Variants in MGAT4C observed in about 807,000 individuals in gnomAD.
MGAT4C encodes the protein alpha-1,3-mannosyl-glycoprotein 4-beta-N-acetylglucosaminyltransferase C.
Under a neutral mutation model 40.1 loss-of-function variants are expected in MGAT4C, and 19 were observed. The observed-to-expected ratio is 0.47, with a 90% CI of 0.33 to 0.70. MGAT4C has a LOEUF of 0.70. MGAT4C is among the 30% of genes least tolerant of loss of function. MGAT4C has a pLI of 0.02. For synonymous variants in MGAT4C, 181 were observed against 187.1 expected (o/e 0.97, Z 0.27); for missense variants, 491 against 563.2 (o/e 0.87, Z 1.30).
chr12:86,165,516 G>T (rs772386638), intron 1 of MGAT4C, among the ~76,000 whole-genome samples: 1 of 152,072 alleles, frequency 6.6e-6, no homozygotes, highest in Non-Finnish European at 1.5e-5. Flanking sequence ...TGTTCACAAA[G>T]GAAACTGTTT....
At chr12:86,152,604 A>T (rs1884430074) in intron 1 of MGAT4C, among the ~76,000 whole-genome samples, 1 of 152,176 alleles carries the variant, frequency 6.6e-6, no homozygotes. Flanking sequence ...CCTCACATGG[A>T]TTTCTCTTTT....
chr12:86,304,533 A>G (rs1245826900), intron 4 of MGAT4C, among the ~76,000 whole-genome samples: 1 of 150,744 alleles, frequency 6.6e-6, no homozygotes, highest in Non-Finnish European at 1.5e-5. Flanking sequence ...CAAGCTTTTA[A>G]TCATGCCATT....
chr12:86,169,019 G>A (rs1886500504), intron 1 of MGAT4C, among the ~76,000 whole-genome samples: 1 of 152,062 alleles, frequency 6.6e-6, no homozygotes, highest in Non-Finnish European at 1.5e-5. Context: ...GTAAAAAAAT[G>A]TGGGGGAAAA....
In MGAT4C at chr12:86,307,721, G is replaced by C. The variant is rs1053642450; in HGVS notation, c.-57+26344C>G. Among the ~76,000 whole-genome samples the C allele has an allele frequency of 1.7e-4, 26 of 149,314 alleles. 1 individual carries two copies. The highest frequency in any genetic ancestry group is 2.8e-4 in the Non-Finnish European group (19 of 67,874). On this transcript the variant is annotated intron_variant, in intron 4 of 7. Transcript: ENST00000548651. ...TTTATTTTATTTATTTATTTTTTTT[G>C]AGACGTTGTCTAGCTCTGTCGCCCA...
At chr12:86,712,281 T>C (rs1950570153) in intron 2 of MGAT4C, among the ~76,000 whole-genome samples, 1 of 152,010 alleles carries the variant, frequency 6.6e-6, no homozygotes, top group Admixed American at 6.6e-5. Flanking sequence ...AAATACAACA[T>C]TCCAACTCAA....
intron 2 of MGAT4C, among the ~76,000 whole-genome samples, chr12:86,678,654 C>A (rs566744912): frequency 6.8e-6 from 1 of 147,384 alleles, no homozygotes. Flanking sequence ...TGTTCAATTC[C>A]CACCTATGAG....
chr12:86,818,488 G>A lies in MGAT4C; in HGVS notation c.-262+20178C>T, dbSNP rs1294432463. Among the ~76,000 whole-genome samples, 3 of 150,952 alleles carry A rather than the reference G, an allele frequency of 2.0e-5. No homozygotes were observed. In the Admixed American group the frequency reaches 2.0e-4, roughly 10 times the overall value. On this transcript the variant is annotated intron_variant, in intron 1 of 7. Transcript: ENST00000548651. Reference sequence around the variant, plus strand: ...AATTGTTAGAGGCATGGAAACTGTAGTGAGATGTCTAACAATACAGAATTA... The same window carrying A: ...AATTGTTAGAGGCATGGAAACTGTAATGAGATGTCTAACAATACAGAATTA...
chr12:86,556,506 G>A (rs1272890940), intron 2 of MGAT4C, among the ~76,000 whole-genome samples: 4 of 151,576 alleles, frequency 2.6e-5, no homozygotes, highest in African/African-American at 9.7e-5. Flanking sequence ...TCAATGTTTA[G>A]GGTTTTTGTG....
chr12:86,753,584 G>A (rs989007079), intron 1 of MGAT4C, among the ~76,000 whole-genome samples: 4 of 151,748 alleles, frequency 2.6e-5, no homozygotes, highest in African/African-American at 4.8e-5. Flanking sequence ...AGATGGTCTC[G>A]GCAGTCACGC....
intron 3 of MGAT4C, among the ~76,000 whole-genome samples, chr12:86,433,598 ATC>A (rs1434049263): frequency 1.3e-5 from 2 of 151,876 alleles, no homozygotes; most frequent in African/African-American, 4.8e-5. Context: ...TTAAACTAGA[ATC>A]TCTTTCAGAG....
chr12:86,652,045 T>G (rs1963711817), intron 2 of MGAT4C, among the ~76,000 whole-genome samples: 1 of 151,880 alleles, frequency 6.6e-6, no homozygotes, highest in South Asian at 2.1e-4. Context: ...TTTGAAATAT[T>G]TTTAGATGGT....
intron 2 of MGAT4C, among the ~76,000 whole-genome samples, chr12:86,711,270 C>A (rs1382225490): frequency 1.3e-5 from 2 of 151,924 alleles, no homozygotes; most frequent in Admixed American, 1.3e-4. Context: ...AGAGAAAGAG[C>A]CAAAAGGGGG....
chr12:86,555,418 C>A (rs1959560911), intron 2 of MGAT4C, among the ~76,000 whole-genome samples: 1 of 152,146 alleles, frequency 6.6e-6, no homozygotes, highest in Admixed American at 6.5e-5. Flanking sequence ...GCTTTCATGT[C>A]TGACATAATG....
intron 1 of MGAT4C, among the ~76,000 whole-genome samples, chr12:86,152,818 C>T (rs1192542323): frequency 6.6e-6 from 1 of 152,022 alleles, no homozygotes; most frequent in Non-Finnish European, 1.5e-5. Flanking sequence ...CACACAAACC[C>T]AAAGATAAAG....
At chr12:86,345,740 A>G (rs184257451) in intron 3 of MGAT4C, among the ~76,000 whole-genome samples, 12 of 152,350 alleles carry the variant, frequency 7.9e-5, no homozygotes, top group Admixed American at 6.5e-4. Flanking sequence ...TTATAACAGC[A>G]TGATTTATAA....
At chr12:86,603,685 A>ATATAGACTATATATTATCTATAGTC (rs1405345750) in intron 2 of MGAT4C, among the ~76,000 whole-genome samples, 3 of 129,480 alleles carry the variant, frequency 2.3e-5, no homozygotes, top group African/African-American at 8.7e-5. Context: ...TATATACTAT[A>ATATAGACTATATATTATCTATAGTC]TATAGACTAT....
At chr12:86,812,535 T>C (rs1952498525) in intron 1 of MGAT4C, among the ~76,000 whole-genome samples, 1 of 152,134 alleles carries the variant, frequency 6.6e-6, no homozygotes, top group African/African-American at 2.4e-5. Context: ...GGATCTTCTG[T>C]CATTATTAAA....
In MGAT4C at chr12:85,959,023, T is replaced by TATACAATACAATACA. The variant is rs71309508; in HGVS notation, c.*20251_*20265dup. On this transcript the variant is annotated 3_prime_UTR_variant, in exon 5 of 5. Coordinates refer to ENST00000611864, the MANE Select transcript of MGAT4C (RefSeq NM_001351288.2). ...ATGTTATTAAATCTCTGGTAACCAC[T>TATACAATACAATACA]ATACAATACAATACAATACAATACA... 0.03 allele frequency: 4,152 copies of TATACAATACAATACA among 137,662 alleles called. 105 individuals are homozygous for TATACAATACAATACA. The highest frequency in any genetic ancestry group is 0.043 in the Non-Finnish European group (2,694 of 62,802). The allele number at this position is 137,662 out of a possible 1,614,324, so 8.5% of individuals were successfully genotyped here.
At position 85,964,701 on chromosome 12, in the gene MGAT4C, T is replaced by C. The variant is rs1356894406; in HGVS notation, c.*14588A>G. 6.6e-6 allele frequency: 1 copy of C among 152,214 alleles called. No individual in the cohort carries two copies. The allele number at this position is 152,214 out of a possible 1,614,324, so 9.4% of individuals were successfully genotyped here. A position where few individuals can be genotyped will look rare whatever the true frequency, so the allele number is the denominator to read the frequency against. On this transcript the variant is annotated 3_prime_UTR_variant, in exon 5 of 5. Coordinates refer to ENST00000611864, the MANE Select transcript of MGAT4C (RefSeq NM_001351288.2). ...ATTGTAGCTTAGTTTTAAGTTTTTC[T>C]CGGCTGTTTCCTCTGACAGTTCTGT...
Sources: gnomAD v4.1 joint callset for allele counts (sites outside exome capture counted in the v4.1 genomes callset) on GRCh38, gnomAD v4.1.1 for gene constraint, MANE v1.5 for transcripts, NCBI Gene and HGNC (gene_info 2026-07-23, HGNC 2026-07-21) for gene names.